Variants in ARHGAP23 observed in about 807,000 individuals in gnomAD.
ARHGAP23 encodes Rho GTPase activating protein 23.
Under a neutral mutation model 136.3 loss-of-function variants are expected in ARHGAP23, and 34 were observed. The observed-to-expected ratio is 0.25, with a 90% CI of 0.19 to 0.33. ARHGAP23 has a LOEUF of 0.33. ARHGAP23 is among the 10% of genes least tolerant of loss of function. The probability of loss-of-function intolerance (pLI) is 1.00; values close to 1 mark genes in which losing one functional copy is unlikely to be tolerated. For synonymous variants in ARHGAP23, 832 were observed against 920.5 expected (o/e 0.90, Z 1.74); for missense variants, 1,808 against 2,139.0 (o/e 0.85, Z 3.05).
chr17:38,496,579 C>A (rs1324455122), intron 20 of ARHGAP23, among the ~76,000 whole-genome samples: 2 of 152,152 alleles, frequency 1.3e-5, no homozygotes, highest in Non-Finnish European at 2.9e-5. Context: ...TTAAGAGAGT[C>A]TTTGTGTAGT....
At position 38,466,613 on chromosome 17, in the gene ARHGAP23, C is replaced by T. The variant is rs1652754073; in HGVS notation, c.930C>T (p.Pro310=). The T allele has an allele frequency of 2.0e-6, 3 of 1,513,642 alleles. No homozygotes were observed. Among genetic ancestry groups the T allele is most frequent in the Non-Finnish European group, 2.6e-6 (3 of 1,135,968 alleles). 93.8% of individuals were successfully genotyped at this position (1,513,642 alleles called of 1,614,324 possible). Residue 310 remains proline (P), a synonymous_variant, in exon 7 of 24, where the codon CCC becomes CCT. Transcript: ENST00000622683. ...AGAGACGGTGCCCAGCCATGGCCCCCCGGGCCCGCAGCGCCTCCCAGGACC... is the reference window on the plus strand; with the variant it reads ...AGAGACGGTGCCCAGCCATGGCCCCTCGGGCCCGCAGCGCCTCCCAGGACC... ...AGERRCPAMA[P]RARSASQDRL...
upstream of ARHGAP23, among the ~76,000 whole-genome samples, chr17:38,427,201 G>A (rs372382202): frequency 2.0e-5 from 3 of 152,218 alleles, no homozygotes; most frequent in African/African-American, 7.2e-5. Flanking sequence ...GGTGGCTCAC[G>A]CCTATAATCC....
At chr17:38,500,395 G>T in intron 22 of ARHGAP23, 1 of 586,606 alleles carries the variant, frequency 1.7e-6, no homozygotes, top group South Asian at 2.2e-5. Flanking sequence ...AGAGGAAGTG[G>T]CAGTTAACAT....
chr17:38,510,900 CG>C lies in ARHGAP23; in HGVS notation c.4408del (p.Asp1470ThrfsTer36). On this transcript the variant is annotated frameshift_variant, in exon 24 of 24. Transcript: ENST00000622683. LOFTEE classifies it high-confidence loss of function. This position sits in a 1 kb window ranked among gnomAD's most constrained non-coding sequence, Gnocchi z 4.6. Reference sequence around the variant, plus strand: ...CCGCTGCCTCGCAGCCGCCCGCGCCCGGGGACACGGGGTCCCTGCAGAGCCA... The same window carrying C: ...CCGCTGCCTCGCAGCCGCCCGCGCCCGGGACACGGGGTCCCTGCAGAGCCA... ...SSAASQPPAP[G>X]DTGSLQSQPP... 6.7e-7 allele frequency: 1 copy of C among 1,490,358 alleles called. No individual in the cohort carries two copies. The highest frequency in any genetic ancestry group is 8.9e-7 in the Non-Finnish European group (1 of 1,129,036). The allele number at this position is 1,490,358 out of a possible 1,614,324, so 92.3% of individuals were successfully genotyped here.
intron 1 of ARHGAP23, among the ~76,000 whole-genome samples, chr17:38,443,139 T>A (rs144306277): frequency 6.6e-6 from 1 of 152,336 alleles, no homozygotes; most frequent in African/African-American, 2.4e-5. Context: ...GTGTGGCCTT[T>A]TCTCTGTGTT....
intron 2 of ARHGAP23, 71 bp downstream of exon 2, chr17:38,458,334 C>A (rs1436474799): frequency 4.2e-6 from 6 of 1,442,286 alleles, no homozygotes; most frequent in Middle Eastern, 1.8e-4. Context: ...TTGTGCCAGT[C>A]CCCTTCATGG....
chr17:38,480,057 G>A (rs2039998905), intron 14 of ARHGAP23, among the ~76,000 whole-genome samples, 174 bp downstream of exon 14: 1 of 152,038 alleles, frequency 6.6e-6, no homozygotes, highest in Non-Finnish European at 1.5e-5. Context: ...GGCTCTCAGG[G>A]TCTCGGGGTG....
intron 11 of ARHGAP23, among the ~76,000 whole-genome samples, chr17:38,472,569 CG>C (rs1158506737): frequency 6.6e-6 from 1 of 151,174 alleles, no homozygotes; most frequent in Non-Finnish European, 1.5e-5. Context: ...AAGGGGGCTT[CG>C]GGGAGTAGTT....
intron 2 of ARHGAP23, among the ~76,000 whole-genome samples, chr17:38,460,148 A>T (rs1451643225): frequency 6.6e-6 from 1 of 152,000 alleles, no homozygotes; most frequent in Non-Finnish European, 1.5e-5. Context: ...TCATTCCCCC[A>T]CAAAGTCTAG....
At chr17:38,432,952 G>A (rs996114701) in intron 1 of ARHGAP23, among the ~76,000 whole-genome samples, 5 of 152,076 alleles carry the variant, frequency 3.3e-5, no homozygotes, top group South Asian at 4.2e-4. Context: ...TTTTAGCCTC[G>A]GCTTTCTTTT....
intron 23 of ARHGAP23, among the ~76,000 whole-genome samples, chr17:38,504,291 C>T (rs950022737): frequency 9.9e-5 from 15 of 152,222 alleles, no homozygotes; most frequent in African/African-American, 3.4e-4. Flanking sequence ...ATAACTGTTG[C>T]AGGGACAGGG....
chr17:38,445,697 T>C (rs1451819024), intron 1 of ARHGAP23, among the ~76,000 whole-genome samples: 1 of 151,690 alleles, frequency 6.6e-6, no homozygotes, highest in African/African-American at 2.4e-5. Context: ...TGCAGTGGTG[T>C]GATCACGGCT....
rs549322771 is a variant in ARHGAP23, at chr17:38,511,671, A to C, written c.*699A>C. 1 of 152,204 alleles carries C rather than the reference A, an allele frequency of 6.6e-6. No individual in the cohort carries two copies. Among genetic ancestry groups the C allele is most frequent in the African/African-American group, 2.4e-5 (1 of 41,470 alleles). 9.4% of individuals were successfully genotyped at this position (152,204 alleles called of 1,614,324 possible). On this transcript the variant is annotated 3_prime_UTR_variant, in exon 24 of 24. Coordinates refer to ENST00000622683, the MANE Select transcript of ARHGAP23 (RefSeq NM_001199417.2). ...AAACCCTCACCAGGGTTACTCCCCA[A>C]CATCCTTTTGCCTGAGTCACCCTCT...
Position 38,441,091 on chromosome 17 carries a change from T to A in ARHGAP23, c.63+12543T>A, listed in dbSNP as rs1006957292. 2.0e-5 allele frequency among the ~76,000 whole-genome samples: 3 copies of A among 152,344 alleles called. No individual in the cohort carries two copies. The East Asian group carries it at 5.8e-4, about 29-fold the overall frequency. ...CTGCAGGTTGGGCACTGCCTTTTGCTGAGTGACCATTCGGCCTATGCTCCC... is the reference window on the plus strand; with the variant it reads ...CTGCAGGTTGGGCACTGCCTTTTGCAGAGTGACCATTCGGCCTATGCTCCC... On this transcript the variant is annotated intron_variant, in intron 1 of 23. Transcript: ENST00000622683.
chr17:38,502,530 C>T (rs917511199), intron 23 of ARHGAP23, among the ~76,000 whole-genome samples: 9 of 152,126 alleles, frequency 5.9e-5, no homozygotes, highest in Non-Finnish European at 1.0e-4. Flanking sequence ...CCTCACAAAG[C>T]TTATCTTCTA....
chr17:38,478,467 T>G (rs1186700496), intron 12 of ARHGAP23, among the ~76,000 whole-genome samples: 1 of 149,598 alleles, frequency 6.7e-6, no homozygotes, highest in Non-Finnish European at 1.5e-5. Flanking sequence ...CAGGCTGGAG[T>G]GCAGTGGCGC....
At chr17:38,460,823 G>C in intron 2 of ARHGAP23, 82 bp from the exon 3 acceptor site, 1 of 1,535,748 alleles carries the variant, frequency 6.5e-7, no homozygotes. Context: ...GAACCTGAAG[G>C]GGCCCTGCCC....
At chr17:38,473,486 C>T (rs558512067) in intron 11 of ARHGAP23, among the ~76,000 whole-genome samples, 5 of 152,264 alleles carry the variant, frequency 3.3e-5, no homozygotes, top group South Asian at 4.1e-4. Flanking sequence ...GAAGTCGAGG[C>T]GGGACTGGCG....
At chr17:38,476,785 TG>T in intron 11 of ARHGAP23, among the ~76,000 whole-genome samples, 1 of 152,234 alleles carries the variant, frequency 6.6e-6, no homozygotes, top group Non-Finnish European at 1.5e-5. Context: ...GAGGCTGTCC[TG>T]TGCATTGTGC....
Sources: gnomAD v4.1 joint callset for allele counts (sites outside exome capture counted in the v4.1 genomes callset) on GRCh38, gnomAD v4.1.1 for gene constraint, Gnocchi (gnomAD v3.1) non-coding constraint, MANE v1.5 for transcripts, NCBI Gene and HGNC (gene_info 2026-07-23, HGNC 2026-07-21) for gene names.